Variants in NEMF observed in about 807,000 individuals in gnomAD.
The protein encoded by NEMF is nuclear export mediator factor.
NEMF carries 89 observed loss-of-function variants against 162.2 expected under a neutral mutation model. That is an observed-to-expected ratio of 0.55 (90% CI 0.46 to 0.65). The LOEUF (loss-of-function observed/expected upper bound fraction) is 0.65, where lower values mean the gene tolerates loss of function less well. NEMF is among the 30% of genes least tolerant of loss of function. The probability of loss-of-function intolerance (pLI) is 0.00; values close to 1 mark genes in which losing one functional copy is unlikely to be tolerated. For missense variants in NEMF, 1,133 were observed against 1,261.9 expected (o/e 0.90, Z 1.55); for synonymous variants, 421 against 404.5 (o/e 1.04, Z -0.49).
rs1371616657 is a variant in NEMF, at chr14:49,784,008, T to A, written c.*628A>T. The A allele has an allele frequency of 6.6e-6, 1 of 152,072 alleles. No individual in the cohort carries two copies. Among genetic ancestry groups the A allele is most frequent in the African/African-American group, 2.4e-5 (1 of 41,424 alleles). The allele number at this position is 152,072 out of a possible 1,614,324, so 9.4% of individuals were successfully genotyped here. On this transcript the variant is annotated 3_prime_UTR_variant, in exon 33 of 33. Transcript: ENST00000298310. The stretch of plus-strand genomic sequence containing the variant: ...CAGTAGACTTACCAAGTCAATAGTT[T>A]AAGCAATCAAGCCACTTCACTGTTC...
rs1889958637 is a variant in NEMF, at chr14:49,782,618, TTAGA to T, written c.*2014_*2017del. The T allele has an allele frequency of 6.4e-7, 1 of 1,560,808 alleles. No individual in the cohort carries two copies. Among genetic ancestry groups the T allele is most frequent in the Non-Finnish European group, 8.7e-7 (1 of 1,144,176 alleles). ...CGGTAAGTAACTTTGTACTTGGCAC[TTAGA>T]TTATTTAAAATTGTGTTTCCTAAGA... On this transcript the variant is annotated 3_prime_UTR_variant, in exon 33 of 33. Coordinates refer to ENST00000298310, the MANE Select transcript of NEMF (RefSeq NM_004713.6).
rs766533134 is a variant in NEMF, at chr14:49,786,731, T to C, written c.2915A>G (p.Gln972Arg). Residue 972 changes from glutamine to arginine, a missense_variant, in exon 29 of 33, where the codon CAA becomes CGA. Physicochemically the swap from Gln to Arg is conservative, Grantham distance 43. Around this residue, in one of 3 missense-constraint regions of NEMF, gnomAD observed 532 missense variants for 578.6 expected, o/e 0.92. Transcript: ENST00000298310. ...ATAAAATCATACCTCATTTCCCTGT[T>C]GATCCAGATCTTGCTCTTCCTGTTC... The part of the protein sequence containing the change: ...HDDKEEQDLD[Q>R]QGNEENLFDS... 3.1e-6 allele frequency: 5 copies of C among 1,613,530 alleles called. No homozygotes were observed. In the East Asian group the frequency reaches 1.1e-4, roughly 36 times the overall value.
intron 3 of NEMF, among the ~76,000 whole-genome samples, chr14:49,847,188 T>TTTAC (rs1893545842): frequency 6.6e-6 from 1 of 151,602 alleles, no homozygotes; most frequent in African/African-American, 2.4e-5. Flanking sequence ...CCAGCCAACC[T>TTTAC]TTACTTATTT....
intron 29 of NEMF, 75 bp downstream of exon 29, chr14:49,786,643 A>C: frequency 7.1e-7 from 1 of 1,405,842 alleles, no homozygotes; most frequent in East Asian, 2.3e-5. Flanking sequence ...AGTTTTAATA[A>C]GTTGTGTTTC....
rs1010703676 is a variant in NEMF, at chr14:49,817,885, A to T, written c.1578-3028T>A. ...TGAATTTCATCAGCTATTTAAGAAC[A>T]ACTGAAAAAGGAACACTTTCCAACT... On this transcript the variant is annotated intron_variant, in intron 16 of 32. Transcript: ENST00000298310. Among the ~76,000 whole-genome samples the T allele has an allele frequency of 5.3e-5, 8 of 152,150 alleles. No homozygotes were observed. The South Asian group carries it at 6.2e-4, about 12-fold the overall frequency.
chr14:49,819,371 T>C (rs903506323), intron 16 of NEMF, among the ~76,000 whole-genome samples: 6 of 148,894 alleles, frequency 4.0e-5, no homozygotes, highest in African/African-American at 1.2e-4. Flanking sequence ...CATATGTATA[T>C]AATAAAAACA....
intron 5 of NEMF, among the ~76,000 whole-genome samples, chr14:49,838,615 T>C (rs1315345845): frequency 2.7e-5 from 4 of 150,390 alleles, no homozygotes; most frequent in Non-Finnish European, 5.9e-5. Flanking sequence ...GACGGCATCT[T>C]GCTCTGTCGC....
rs1443446166 is a variant in NEMF at position 49,800,502 on chromosome 14, C to T, written c.2290G>A (p.Val764Ile). The T allele has an allele frequency of 6.2e-7, 1 of 1,613,840 alleles. No homozygotes were observed. The highest frequency in any genetic ancestry group is 8.5e-7 in the Non-Finnish European group (1 of 1,179,866). Residue 764 changes from valine (V) to isoleucine (I), a missense_variant, in exon 23 of 33, where the codon GTT becomes ATT. Val to Ile is a conservative substitution (Grantham distance 29). This residue lies in a region of NEMF where 532 missense variants were observed against 578.6 expected (regional missense o/e 0.92). Transcript: ENST00000298310. ...TCCCCTTCATCCTTCATTTCACCAA[C>T]AGAATCCTGATCTTTTCTAACCTCT... Reference protein sequence around the residue: ...YEEVRKDQDSVGEMKDEGEET... With the variant: ...YEEVRKDQDSIGEMKDEGEET...
intron 15 of NEMF, among the ~76,000 whole-genome samples, chr14:49,827,577 C>T (rs780242420): frequency 2.0e-5 from 3 of 152,142 alleles, no homozygotes; most frequent in South Asian, 2.1e-4. Flanking sequence ...AGGTCAAGGC[C>T]TGAAGCGGGC....
chr14:49,841,686 A>C (rs898153170), intron 4 of NEMF, among the ~76,000 whole-genome samples: 1 of 152,180 alleles, frequency 6.6e-6, no homozygotes, highest in Admixed American at 6.6e-5. Context: ...TTTTAATATT[A>C]ATAGTTACAT....
chr14:49,823,489 GA>G (rs1892189718), intron 16 of NEMF, among the ~76,000 whole-genome samples: 1 of 151,794 alleles, frequency 6.6e-6, no homozygotes, highest in South Asian at 2.1e-4. Flanking sequence ...AACATGATAG[GA>G]AGTAATAAAA....
rs1285688063 is a variant in NEMF, at chr14:49,821,621, G to A, written c.1577+4246C>T. 8.2e-5 allele frequency among the ~76,000 whole-genome samples: 8 copies of A among 97,448 alleles called. No individual in the cohort carries two copies. In the East Asian group the frequency reaches 1.5e-3, roughly 19 times the overall value. 63.9% of individuals were successfully genotyped at this position (97,448 alleles called of 152,430 possible). A position where few individuals can be genotyped will look rare whatever the true frequency, so the allele number is the denominator to read the frequency against. ...AGCCCCCCGCCCGGCCAGCTGCCCC[G>A]TCCGGGAGGGAGGTGGGGGGCTCAG... On this transcript the variant is annotated intron_variant, in intron 16 of 32. Coordinates refer to ENST00000298310, the MANE Select transcript of NEMF (RefSeq NM_004713.6).
chr14:49,802,494 C>G lies in NEMF; in HGVS notation c.2054G>C (p.Ser685Thr). Residue 685 changes from serine (S) to threonine (T), a missense_variant, in exon 22 of 33, where the codon AGT becomes ACT. This residue lies in a region of NEMF where 532 missense variants were observed against 578.6 expected (regional missense o/e 0.92). Transcript: ENST00000298310. ...VQDEDMETLA[S>T]CTSELISEEM... ...TTCTGATATGAGTTCACTTGTACAACTTGCCAGTGTCTCCATGTCTTCATC... is the reference window on the plus strand; with the variant it reads ...TTCTGATATGAGTTCACTTGTACAAGTTGCCAGTGTCTCCATGTCTTCATC... 6.2e-7 allele frequency: 1 copy of G among 1,613,924 alleles called. No individual in the cohort carries two copies. Among genetic ancestry groups the G allele is most frequent in the Non-Finnish European group, 8.5e-7 (1 of 1,179,886 alleles).
chr14:49,846,386 A>T, intron 3 of NEMF, 121 bp from the exon 4 acceptor site: 1 of 867,686 alleles, frequency 1.2e-6, no homozygotes, highest in Non-Finnish European at 1.8e-6. Context: ...TGTGAATAAC[A>T]GTATAGTCAT....
chr14:49,787,409 G>C (rs1026622049), intron 28 of NEMF, among the ~76,000 whole-genome samples: 12 of 152,186 alleles, frequency 7.9e-5, no homozygotes, highest in African/African-American at 2.9e-4. Context: ...CCTTAGGCTG[G>C]GTGTGGTGGC....
chr14:49,785,867 C>T (rs1890151333), intron 29 of NEMF: 1 of 129,076 alleles, frequency 7.7e-6, no homozygotes, highest in South Asian at 2.5e-4. Context: ...TGACACCAGC[C>T]TGGGTGACAG....
intron 26 of NEMF, among the ~76,000 whole-genome samples, chr14:49,795,229 T>A (rs2139841186): frequency 6.6e-6 from 1 of 152,052 alleles, no homozygotes; most frequent in Admixed American, 6.6e-5. Context: ...TCCCAGCTAC[T>A]TGGAAGACTG....
chr14:49,821,390 C>T (rs867404666), intron 16 of NEMF, among the ~76,000 whole-genome samples: 1 of 7,492 alleles, frequency 1.3e-4, no homozygotes, highest in African/African-American at 1.4e-4. Context: ...CCCGGCCAGC[C>T]GCCCCGTCCG....
At chr14:49,795,985 T>C in intron 25 of NEMF, 41 bp from the exon 26 acceptor site, 1 of 1,544,892 alleles carries the variant, frequency 6.5e-7, no homozygotes, top group Non-Finnish European at 8.8e-7. Flanking sequence ...TCTTAGAATT[T>C]GAAATTCTTA....
Sources: allele counts gnomAD v4.1 joint callset (sites outside exome capture counted in the v4.1 genomes callset), GRCh38; gene constraint gnomAD v4.1.1; regional missense constraint gnomAD v4.1.1; transcripts MANE v1.5; gene names NCBI Gene and HGNC (gene_info 2026-07-23, HGNC 2026-07-21).